SAMD5: variants seen among roughly 807,000 people sequenced by gnomAD.
The protein encoded by SAMD5 is sterile alpha motif domain-containing protein 5.
In SAMD5, 13 loss-of-function variants were observed where a neutral mutation model predicts 11.3. That is an observed-to-expected ratio of 1.15 (90% confidence interval 0.75 to 1.83). The LOEUF (loss-of-function observed/expected upper bound fraction) is 1.83. SAMD5 is among the 40% of genes most tolerant of loss of function. The pLI, the probability that SAMD5 is intolerant of heterozygous loss-of-function variation, is 0.00. For synonymous variants in SAMD5, 129 were observed against 111.3 expected, an observed-to-expected ratio of 1.16 and a Z score of -1.00; for missense variants, 255 against 239.1, an observed-to-expected ratio of 1.07 and a Z score of -0.44.
the SAMD5 span, chr6:147,953,866 T>C: frequency 2.6e-5 from 4 of 152,218 alleles, no homozygotes; most frequent in Admixed American, 6.5e-5. Flanking sequence ...TGACTTATAA[T>C]TGTGATGAAA....
At chr6:147,799,545 T>C in the SAMD5 span, among the ~76,000 whole-genome samples, 2 of 151,626 alleles carry the variant, frequency 1.3e-5, no homozygotes, top group African/African-American at 4.9e-5. Flanking sequence ...CAATTATGTG[T>C]CTTGGAGTTG....
At chr6:147,555,438 A>G (rs551477206) in intron 1 of SAMD5, among the ~76,000 whole-genome samples, 1 of 152,372 alleles carries the variant, frequency 6.6e-6, no homozygotes, top group South Asian at 2.1e-4. Context: ...GTTGCTAATG[A>G]TGAAATTTGA....
chr6:147,664,332 A>C (rs1196644960), intron 1 of SAMD5, among the ~76,000 whole-genome samples: 1 of 152,158 alleles, frequency 6.6e-6, no homozygotes, highest in South Asian at 2.1e-4. Context: ...TGCTGACAGT[A>C]ATCATTATAA....
At chr6:147,694,809 CTG>C (rs1418809319) in intron 1 of SAMD5, among the ~76,000 whole-genome samples, 2 of 152,266 alleles carry the variant, frequency 1.3e-5, no homozygotes, top group East Asian at 3.9e-4. Flanking sequence ...GAGCAAAACA[CTG>C]TTATAAAAAA....
At position 147,566,962 on chromosome 6, in the gene SAMD5, T is replaced by C. The variant is rs1365797108; in HGVS notation, c.*2506T>C. 1 of 855,470 alleles carries C rather than the reference T, an allele frequency of 1.2e-6. No homozygotes were observed. The highest frequency in any genetic ancestry group is 1.2e-4 in the East Asian group (1 of 8,144). The allele number at this position is 855,470 out of a possible 1,614,324, so 53.0% of individuals were successfully genotyped here. A position where few individuals can be genotyped will look rare whatever the true frequency, so the allele number is the denominator to read the frequency against. The stretch of plus-strand genomic sequence containing the variant: ...ACCAATAATATACTTAATTTTTGAA[T>C]ATAAAAGAAGTAGCAATTGACTAAG... On this transcript the variant is annotated 3_prime_UTR_variant, in exon 2 of 2. Coordinates refer to ENST00000367474, the MANE Select transcript of SAMD5 (RefSeq NM_001030060.3).
chr6:147,703,367 CG>C (rs1417269086), intron 1 of SAMD5, among the ~76,000 whole-genome samples: 1 of 152,166 alleles, frequency 6.6e-6, no homozygotes, highest in African/African-American at 2.4e-5. Context: ...CCACCATGCC[CG>C]GCTACTCACT....
the SAMD5 span, among the ~76,000 whole-genome samples, chr6:147,918,688 C>CTTTT: frequency 6.0e-5 from 6 of 99,446 alleles, no homozygotes; most frequent in East Asian, 2.9e-4. Context: ...CACAAGCATT[C>CTTTT]TTTTTTTTTT....
chr6:147,591,229 A>G (rs985251577), intron 1 of SAMD5, among the ~76,000 whole-genome samples: 1 of 152,144 alleles, frequency 6.6e-6, no homozygotes, highest in Non-Finnish European at 1.5e-5. Context: ...CAGAATGCTC[A>G]TATTGATAAG....
the SAMD5 span, among the ~76,000 whole-genome samples, chr6:147,870,035 G>A: frequency 1.3e-5 from 2 of 152,026 alleles, no homozygotes; most frequent in Non-Finnish European, 2.9e-5. Context: ...TTATTAATGG[G>A]ATTTTTTACA....
At chr6:147,757,740 T>C in the SAMD5 span, among the ~76,000 whole-genome samples, 1 of 152,180 alleles carries the variant, frequency 6.6e-6, no homozygotes, top group Non-Finnish European at 1.5e-5. Context: ...TCCTTGGAAA[T>C]TTTAAGGGTT....
downstream of SAMD5, among the ~76,000 whole-genome samples, chr6:147,740,548 G>A (rs1230492094): frequency 6.6e-6 from 1 of 152,142 alleles, no homozygotes; most frequent in African/African-American, 2.4e-5. Context: ...TCCACTCCCT[G>A]TCTGTGGCAC....
the SAMD5 span, among the ~76,000 whole-genome samples, chr6:147,881,978 G>A: frequency 6.6e-6 from 1 of 152,164 alleles, no homozygotes; most frequent in East Asian, 1.9e-4. Flanking sequence ...GCATGAGAAA[G>A]TCTTCTCAGA....
rs1231421816 is a variant in SAMD5, at chr6:147,711,156, T to A, written c.163-26161T>A. ...GGAATTGGTATTAATGGAGAACTTA[T>A]TATTTATCCTACCAGTCTCTTTCAT... On this transcript the variant is annotated intron_variant, in intron 1 of 1. Coordinates refer to the SAMD5 transcript ENST00000566741. The surrounding 1 kb of genome is among the most constrained non-coding windows in gnomAD (Gnocchi z 4.1). Among the ~76,000 whole-genome samples, 1 of 152,154 alleles carries A rather than the reference T, an allele frequency of 6.6e-6. No homozygotes were observed. The highest frequency in any genetic ancestry group is 2.4e-5 in the African/African-American group (1 of 41,446).
intron 1 of SAMD5, among the ~76,000 whole-genome samples, chr6:147,578,806 CAA>C (rs1355405686): frequency 6.6e-6 from 1 of 150,928 alleles, no homozygotes; most frequent in African/African-American, 2.4e-5. Context: ...AAAAAAAACC[CAA>C]TCTATATTTG....
the SAMD5 span, among the ~76,000 whole-genome samples, chr6:147,763,877 GATTTTTAAAGTATTATATTAAA>G: frequency 6.6e-6 from 1 of 152,176 alleles, no homozygotes; most frequent in African/African-American, 2.4e-5. Context: ...CCACAATATT[GATTTTTAAAGTATTATATTAAA>G]ATATTGTTTA....
chr6:147,658,239 T>C (rs1790597933), intron 1 of SAMD5, among the ~76,000 whole-genome samples: 1 of 152,166 alleles, frequency 6.6e-6, no homozygotes, highest in Non-Finnish European at 1.5e-5. Flanking sequence ...TCAGAAGATG[T>C]TAAGAAGATT....
intron 1 of SAMD5, among the ~76,000 whole-genome samples, chr6:147,645,049 G>C (rs1790376618): frequency 6.6e-6 from 1 of 152,168 alleles, no homozygotes; most frequent in South Asian, 2.1e-4. Context: ...ACATCAGAGA[G>C]CATGCAGGAT....
At chr6:147,677,738 AGG>A (rs1562349531) in intron 1 of SAMD5, among the ~76,000 whole-genome samples, 1 of 151,976 alleles carries the variant, frequency 6.6e-6, no homozygotes, top group African/African-American at 2.4e-5. Context: ...GGCACTGTAA[AGG>A]GATGGGGAGG....
At chr6:147,885,718 A>G in the SAMD5 span, among the ~76,000 whole-genome samples, 1 of 152,288 alleles carries the variant, frequency 6.6e-6, no homozygotes, top group South Asian at 2.1e-4. Flanking sequence ...GCTGCTGAGA[A>G]TTTTCTAGGG....
Sources: allele counts gnomAD v4.1 joint callset (sites outside exome capture counted in the v4.1 genomes callset), GRCh38; gene constraint gnomAD v4.1.1; non-coding constraint Gnocchi (gnomAD v3.1); transcripts MANE v1.5; gene names NCBI Gene and HGNC (gene_info 2026-07-23, HGNC 2026-07-21).